Variants in NF1 observed in about 807,000 individuals in gnomAD.
NF1 encodes the protein neurofibromin 1.
In NF1, 122 loss-of-function variants were observed where a neutral mutation model predicts 325.7. That is an observed-to-expected ratio of 0.37 (90% CI 0.32 to 0.44). NF1 has a LOEUF of 0.44. NF1 is among the 20% of genes least tolerant of loss of function. The pLI, the probability that NF1 is intolerant of heterozygous loss-of-function variation, is 1.00. For missense variants in NF1, 2,140 were observed against 3,415.4 expected, an observed-to-expected ratio of 0.63 and a Z score of 9.31; for synonymous variants, 1,091 against 1,186.0, an observed-to-expected ratio of 0.92 and a Z score of 1.65.
chr17:31,277,015 A>G (rs745381174), intron 36 of NF1, among the ~76,000 whole-genome samples: 8 of 152,326 alleles, frequency 5.3e-5, no homozygotes, highest in African/African-American at 7.2e-5. Context: ...TGTATATGCT[A>G]TATTCTTAGA....
intron 52 of NF1, 38 bp from the exon 53 acceptor site, chr17:31,356,922 C>G (rs1227081608): frequency 6.2e-7 from 1 of 1,612,296 alleles, no homozygotes; most frequent in Non-Finnish European, 8.5e-7. Flanking sequence ...AGTGATTATC[C>G]AGGTGTTTGA....
At chr17:31,297,409 T>A (rs1465026835) in intron 36 of NF1, 1 of 152,196 alleles carries the variant, frequency 6.6e-6, no homozygotes, top group East Asian at 1.9e-4. Context: ...TTAAAAAATT[T>A]GTGGCATCAA....
chr17:31,203,716 T>G (rs1457156574), intron 11 of NF1, among the ~76,000 whole-genome samples: 1 of 152,166 alleles, frequency 6.6e-6, no homozygotes, highest in Non-Finnish European at 1.5e-5. Flanking sequence ...TTTCTAATGA[T>G]TCTTGGTTCA....
chr17:31,136,057 C>T (rs953156082), intron 1 of NF1, among the ~76,000 whole-genome samples: 5 of 151,934 alleles, frequency 3.3e-5, no homozygotes, highest in Non-Finnish European at 5.9e-5. Flanking sequence ...AGGGCCAGCG[C>T]GGTGGCTCAC....
chr17:31,248,982 A>G lies in NF1; in HGVS notation c.3975-2A>G, dbSNP rs864622431. Reference sequence around the variant, plus strand: ...TAGGATTTTATTTTTATTTTTTTGTAGGTTAGAACCATCAGAGAGCCTTGA... The same window carrying G: ...TAGGATTTTATTTTTATTTTTTTGTGGGTTAGAACCATCAGAGAGCCTTGA... On this transcript the variant is annotated splice_acceptor_variant, in intron 29 of 57. Transcript: ENST00000358273. LOFTEE classifies it high-confidence loss of function. The G allele has an allele frequency of 1.2e-6, 2 of 1,613,698 alleles. No individual in the cohort carries two copies. The highest frequency in any genetic ancestry group is 1.7e-6 in the Non-Finnish European group (2 of 1,179,798).
chr17:31,114,366 G>A (rs146750291), intron 1 of NF1, among the ~76,000 whole-genome samples: 5,820 of 151,766 alleles, frequency 0.038, 233 homozygotes, highest in African/African-American at 0.1. Flanking sequence ...GTGAAACCCC[G>A]TTTCTACTAA....
chr17:31,107,816 G>T (rs1411641929), intron 1 of NF1, among the ~76,000 whole-genome samples: 1 of 151,952 alleles, frequency 6.6e-6, no homozygotes, highest in East Asian at 1.9e-4. Context: ...TTGTATGAGG[G>T]CATTATATGA....
At chr17:31,148,573 A>G (rs1447638519) in intron 1 of NF1, among the ~76,000 whole-genome samples, 1 of 152,184 alleles carries the variant, frequency 6.6e-6, no homozygotes, top group African/African-American at 2.4e-5. Flanking sequence ...GGACAGAAAT[A>G]GAAATATGTT....
At chr17:31,199,249 T>G (rs1451245145) in intron 8 of NF1, among the ~76,000 whole-genome samples, 1 of 152,206 alleles carries the variant, frequency 6.6e-6, no homozygotes, top group African/African-American at 2.4e-5. Flanking sequence ...CTGCATTCAC[T>G]GCATCCTATA....
chr17:31,305,100 T>C (rs1363717347), intron 36 of NF1: 2 of 1,614,184 alleles, frequency 1.2e-6, no homozygotes, highest in South Asian at 2.2e-5. Context: ...CAGTTGATGT[T>C]GGTTGTGTGG....
rs377244887 is a variant in NF1, at chr17:31,350,169, C to A, written c.7322-14C>A. The A allele has an allele frequency of 6.2e-7, 1 of 1,613,794 alleles. No homozygotes were observed. Among genetic ancestry groups the A allele is most frequent in the Non-Finnish European group, 8.5e-7 (1 of 1,179,790 alleles). On this transcript the variant is annotated splice_polypyrimidine_tract_variant and intron_variant, in intron 49 of 57. Coordinates refer to ENST00000358273, the MANE Select transcript of NF1 (RefSeq NM_001042492.3). Reference sequence around the variant, plus strand: ...TTTGTTAAATTTTTTAACCTGCCACCGTTTTCCTTTTAGCTTTACTTACAG... The same window carrying A: ...TTTGTTAAATTTTTTAACCTGCCACAGTTTTCCTTTTAGCTTTACTTACAG...
At position 31,375,169 on chromosome 17, in the gene NF1, T is replaced by G. The variant is rs1390622546; in HGVS notation, c.*1014T>G. ...AGCAAAATGGAATGGTACGTGACAT[T>G]TAGGGTAGCTGATATTTTTATTTTG... is the stretch of plus-strand genomic sequence containing the variant. On this transcript the variant is annotated 3_prime_UTR_variant, in exon 58 of 58. Coordinates refer to ENST00000358273, the MANE Select transcript of NF1 (RefSeq NM_001042492.3). 1.3e-5 allele frequency: 3 copies of G among 222,772 alleles called. No homozygotes were observed. Among genetic ancestry groups the G allele is most frequent in the African/African-American group, 6.7e-5 (3 of 44,906 alleles). 13.8% of individuals were successfully genotyped at this position (222,772 alleles called of 1,614,324 possible). A position where few individuals can be genotyped will look rare whatever the true frequency, so the allele number is the denominator to read the frequency against.
intron 1 of NF1, among the ~76,000 whole-genome samples, chr17:31,129,237 G>T (rs904705396): frequency 4.6e-5 from 7 of 152,046 alleles, no homozygotes; most frequent in East Asian, 3.8e-4. Context: ...TTTCCAAGTT[G>T]CTGCCTTTCT....
chr17:31,149,922 A>G (rs1278561601), intron 1 of NF1, among the ~76,000 whole-genome samples: 1 of 152,202 alleles, frequency 6.6e-6, no homozygotes, highest in Non-Finnish European at 1.5e-5. Flanking sequence ...CAAAGTGACC[A>G]CTGGTCCAAA....
At chr17:31,142,116 C>A (rs1342762211) in intron 1 of NF1, among the ~76,000 whole-genome samples, 1 of 152,170 alleles carries the variant, frequency 6.6e-6, no homozygotes, top group East Asian at 1.9e-4. Flanking sequence ...AACCATTGTT[C>A]ACAGAGTGCT....
chr17:31,124,236 AT>A (rs949319481), intron 1 of NF1, among the ~76,000 whole-genome samples: 2 of 150,190 alleles, frequency 1.3e-5, no homozygotes, highest in Admixed American at 6.6e-5. Flanking sequence ...TTTATTTTTA[AT>A]TTTTTTTTGC....
At chr17:31,210,171 T>A (rs1356106033) in intron 12 of NF1, among the ~76,000 whole-genome samples, 1 of 152,242 alleles carries the variant, frequency 6.6e-6, no homozygotes, top group African/African-American at 2.4e-5. Context: ...AGTAGCTTTG[T>A]CTGGCTTAAT....
chr17:31,124,779 T>C (rs1463844212), intron 1 of NF1, among the ~76,000 whole-genome samples: 2 of 151,516 alleles, frequency 1.3e-5, no homozygotes, highest in Non-Finnish European at 2.9e-5. Context: ...TTTTTTGTAT[T>C]TTTAGTACAG....
intron 5 of NF1, among the ~76,000 whole-genome samples, chr17:31,174,457 G>A (rs1266949236): frequency 6.6e-6 from 1 of 152,170 alleles, no homozygotes; most frequent in East Asian, 1.9e-4. Context: ...GACACTTCTA[G>A]AGATTCCTTA....
Sources: gnomAD v4.1 joint callset for allele counts (sites outside exome capture counted in the v4.1 genomes callset) on GRCh38, gnomAD v4.1.1 for gene constraint, MANE v1.5 for transcripts, NCBI Gene and HGNC (gene_info 2026-07-23, HGNC 2026-07-21) for gene names.